Variants in ANOS1 observed in about 807,000 individuals in gnomAD.
The protein encoded by ANOS1 is anosmin 1.
Under a neutral mutation model 59.0 loss-of-function variants are expected in ANOS1, and 6 were observed. The observed-to-expected ratio is 0.10, with a 90% CI of 0.06 to 0.20. ANOS1 has a LOEUF of 0.20. ANOS1 is among the 10% of genes least tolerant of loss of function. The probability of loss-of-function intolerance (pLI) is 1.00; values close to 1 mark genes in which losing one functional copy is unlikely to be tolerated. For synonymous variants in ANOS1, 217 were observed against 223.4 expected (o/e 0.97, Z 0.25); for missense variants, 433 against 542.3 (o/e 0.80, Z 2.00).
At chrX:8,653,714 T>A (rs12014296) in intron 2 of ANOS1, among the ~76,000 whole-genome samples, 28,192 of 110,863 alleles carry the variant, frequency 0.25, 3,129 homozygotes, top group African/African-American at 0.43. Context: ...CCACAGTACT[T>A]GAATTGGCTC....
intron 2 of ANOS1, among the ~76,000 whole-genome samples, chrX:8,691,935 CAAT>C (rs1393755121): frequency 9.0e-6 from 1 of 111,313 alleles, no homozygotes; most frequent in African/African-American, 3.3e-5. Context: ...GTTTGACAAA[CAAT>C]GTTCTATAAG....
chrX:8,622,200 C>T (rs1158214032), intron 3 of ANOS1, among the ~76,000 whole-genome samples: 1 of 111,424 alleles, frequency 9.0e-6, no homozygotes, highest in Admixed American at 9.5e-5. Flanking sequence ...AGTCTTTCTA[C>T]CTGGAGGGTT....
At chrX:8,553,517 T>C (rs1569046733) in intron 9 of ANOS1, among the ~76,000 whole-genome samples, 1 of 111,353 alleles carries the variant, frequency 9.0e-6, no homozygotes, top group East Asian at 2.8e-4. Flanking sequence ...GAAAGACAGA[T>C]GCATAGAAAA....
At chrX:8,630,786 T>C (rs757897897) in intron 2 of ANOS1, among the ~76,000 whole-genome samples, 97 of 112,713 alleles carry the variant, frequency 8.6e-4, no homozygotes, top group South Asian at 4.4e-3. Context: ...GAACAGAAGA[T>C]GGATTAGAGA....
chrX:8,572,997 T>A (rs1388824226), intron 6 of ANOS1, among the ~76,000 whole-genome samples: 1 of 109,991 alleles, frequency 9.1e-6, no homozygotes, highest in Non-Finnish European at 1.9e-5. Flanking sequence ...ACACTGCTGA[T>A]CACTTCCTTC....
At chrX:8,593,761 A>G (rs1223844008) in intron 4 of ANOS1, among the ~76,000 whole-genome samples, 1 of 111,280 alleles carries the variant, frequency 9.0e-6, no homozygotes, top group African/African-American at 3.3e-5. Context: ...GTAACCTCGA[A>G]TTCCTGTGCT....
intron 3 of ANOS1, among the ~76,000 whole-genome samples, chrX:8,599,545 C>T (rs188585029): frequency 1.8e-5 from 2 of 112,037 alleles, no homozygotes; most frequent in East Asian, 2.8e-4. Context: ...ATCGTGACAC[C>T]TGGGTAACAC....
chrX:8,659,588 T>G (rs187868097), intron 2 of ANOS1, among the ~76,000 whole-genome samples: 408 of 6,406 alleles, frequency 0.064, 5 homozygotes, highest in Non-Finnish European at 0.1. Flanking sequence ...TTGCTTGCCT[T>G]CCTTCCTTCC....
chrX:8,587,853 A>G lies in ANOS1; in HGVS notation c.667T>C (p.Trp223Arg). Reference protein sequence around the residue: ...EPVIYVVQRRWNYGIHPSEDD... With the variant: ...EPVIYVVQRRRNYGIHPSEDD... Reference sequence around the variant, plus strand: ...TCGCTAGGATGGATTCCATAATTCCATCTTCTTTGTACCACATAGATCACA... The same window carrying G: ...TCGCTAGGATGGATTCCATAATTCCGTCTTCTTTGTACCACATAGATCACA... The change falls in exon 5 of 14, where the codon TGG becomes CGG. Residue 223 changes from tryptophan to arginine, a missense_variant. Transcript: ENST00000262648. The G allele has an allele frequency of 8.3e-7, 1 of 1,207,338 alleles. No individual in the cohort carries two copies. Among genetic ancestry groups the G allele is most frequent in the Non-Finnish European group, 1.1e-6 (1 of 892,842 alleles).
At chrX:8,643,326 A>C (rs1355261724) in intron 2 of ANOS1, among the ~76,000 whole-genome samples, 1 of 111,894 alleles carries the variant, frequency 8.9e-6, no homozygotes, top group Non-Finnish European at 1.9e-5. Context: ...TTTTCAGTAT[A>C]AATCATGTGT....
chrX:8,600,342 G>A (rs1930819719), intron 3 of ANOS1, among the ~76,000 whole-genome samples: 1 of 112,172 alleles, frequency 8.9e-6, no homozygotes, highest in African/African-American at 3.2e-5. Flanking sequence ...TTAAATGCCT[G>A]TTCTTTTCTT....
At chrX:8,664,347 C>T (rs373218386) in intron 2 of ANOS1, among the ~76,000 whole-genome samples, 79 of 110,400 alleles carry the variant, frequency 7.2e-4, no homozygotes, top group African/African-American at 1.7e-3. Flanking sequence ...TGCGCCACCA[C>T]GCCCGGCTAA....
intron 9 of ANOS1, among the ~76,000 whole-genome samples, chrX:8,541,427 A>G (rs1383922321): frequency 1.0e-5 from 1 of 98,029 alleles, no homozygotes; most frequent in Non-Finnish European, 2.1e-5. Flanking sequence ...CCCAAAAACA[A>G]AAAAACAAAA....
chrX:8,711,183 C>T (rs1386049277), intron 1 of ANOS1, among the ~76,000 whole-genome samples: 5 of 112,423 alleles, frequency 4.4e-5, no homozygotes, highest in Admixed American at 9.4e-5. Flanking sequence ...CCCAAATCAT[C>T]AGGTTAGTCA....
At chrX:8,568,406 C>T in intron 7 of ANOS1, 30 bp from the exon 8 acceptor site, 2 of 1,176,213 alleles carry the variant, frequency 1.7e-6, no homozygotes, top group East Asian at 3.0e-5. Flanking sequence ...ACCCAAAATG[C>T]GTTACAAACC....
At chrX:8,731,126 C>T (rs977964606) in intron 1 of ANOS1, among the ~76,000 whole-genome samples, 2 of 112,324 alleles carry the variant, frequency 1.8e-5, no homozygotes, top group Non-Finnish European at 3.8e-5. Context: ...AATACGGCCC[C>T]GCCAAATCCC....
At chrX:8,547,778 G>T (rs1195917108) in intron 9 of ANOS1, among the ~76,000 whole-genome samples, 1 of 111,394 alleles carries the variant, frequency 9.0e-6, no homozygotes, top group Non-Finnish European at 1.9e-5. Flanking sequence ...AGTCAGTGGC[G>T]CGGTCTCGGC....
At position 8,623,342 on chromosome X, in the gene ANOS1, T is replaced by G. The variant is rs141398305; in HGVS notation, c.318+266A>C. On this transcript the variant is annotated intron_variant, in intron 3 of 13. Coordinates refer to ENST00000262648, the MANE Select transcript of ANOS1 (RefSeq NM_000216.4). The stretch of plus-strand genomic sequence containing the variant: ...ATGTAAGGTGGGAGGGTGGTGACAA[T>G]CTATACCTTTAGAAAGCCTGTAGTC... Among the ~76,000 whole-genome samples, 542 of 111,436 alleles carry G rather than the reference T, an allele frequency of 4.9e-3. 5 individuals are homozygous for G. The highest frequency in any genetic ancestry group is 0.014 in the Middle Eastern group (3 of 213).
At chrX:8,693,414 C>A (rs1324092739) in intron 2 of ANOS1, among the ~76,000 whole-genome samples, 2 of 111,790 alleles carry the variant, frequency 1.8e-5, no homozygotes, top group African/African-American at 3.3e-5. Context: ...GTGTCTGTGG[C>A]TCACTCAAAT....
Sources: gnomAD v4.1 joint callset for allele counts (sites outside exome capture counted in the v4.1 genomes callset) on GRCh38, gnomAD v4.1.1 for gene constraint, MANE v1.5 for transcripts, NCBI Gene and HGNC (gene_info 2026-07-23, HGNC 2026-07-21) for gene names.